The following CLIP1 variants were observed in gnomAD, a reference collection of about 807,000 sequenced individuals.
CLIP1 encodes the protein CAP-Gly domain containing linker protein 1, also known as CAP-Gly domain-containing linker protein 1.
Under a neutral mutation model 161.6 loss-of-function variants are expected in CLIP1, and 66 were observed. The observed-to-expected ratio is 0.41, with a 90% CI of 0.33 to 0.50. The LOEUF is 0.50. Ranked by LOEUF, CLIP1 falls within the 20% of genes least tolerant of loss-of-function variation. The pLI, the probability that CLIP1 is intolerant of heterozygous loss-of-function variation, is 0.27. For missense variants in CLIP1, 1,376 were observed against 1,702.0 expected (o/e 0.81, Z 3.37); for synonymous variants, 598 against 626.2 (o/e 0.96, Z 0.67).
intron 1 of CLIP1, among the ~76,000 whole-genome samples, chr12:122,408,388 G>A (rs547107523): frequency 8.6e-5 from 13 of 151,278 alleles, no homozygotes; most frequent in Admixed American, 4.0e-4. Flanking sequence ...TCACTCTGTC[G>A]CCCAGGCTGG....
intron 21 of CLIP1, among the ~76,000 whole-genome samples, chr12:122,287,809 T>G (rs1955917886): frequency 6.6e-6 from 1 of 152,192 alleles, no homozygotes; most frequent in Non-Finnish European, 1.5e-5. Context: ...ACATTACCCA[T>G]TATTAGTGAA....
chr12:122,292,952 G>A (rs1296309453), intron 20 of CLIP1, among the ~76,000 whole-genome samples: 2 of 139,932 alleles, frequency 1.4e-5, no homozygotes, highest in African/African-American at 2.9e-5. Context: ...GCAGTGGGCC[G>A]AGATAGCACC....
intron 1 of CLIP1, among the ~76,000 whole-genome samples, chr12:122,420,964 T>C (rs11058064): frequency 0.13 from 19,518 of 150,622 alleles, 1,621 homozygotes; most frequent in East Asian, 0.45. Flanking sequence ...GATGGATGGA[T>C]AGACAGACAG....
At chr12:122,363,422 G>A (rs1222742169) in intron 4 of CLIP1, among the ~76,000 whole-genome samples, 1 of 151,918 alleles carries the variant, frequency 6.6e-6, no homozygotes, top group African/African-American at 2.4e-5. Context: ...AATCCAGAAG[G>A]GGGAGGTTGC....
chr12:122,327,742 C>T (rs928463164), intron 17 of CLIP1, among the ~76,000 whole-genome samples: 1 of 151,970 alleles, frequency 6.6e-6, no homozygotes, highest in African/African-American at 2.4e-5. Context: ...GCAGGAAACA[C>T]CGTCCGAGAA....
intron 15 of CLIP1, among the ~76,000 whole-genome samples, chr12:122,331,768 C>T (rs528232695): frequency 6.7e-6 from 1 of 149,476 alleles, no homozygotes; most frequent in East Asian, 2.0e-4. Flanking sequence ...GCCAAGGCGG[C>T]CAGATCGCCT....
At chr12:122,421,293 G>A (rs991954355) in intron 1 of CLIP1, among the ~76,000 whole-genome samples, 1 of 151,866 alleles carries the variant, frequency 6.6e-6, no homozygotes, top group African/African-American at 2.4e-5. Context: ...AGTCTGAGAA[G>A]CGACATGCCT....
intron 3 of CLIP1, among the ~76,000 whole-genome samples, chr12:122,372,161 C>G (rs986991924): frequency 3.1e-4 from 47 of 152,004 alleles, no homozygotes; most frequent in African/African-American, 1.1e-3. Flanking sequence ...TGGCTCACAC[C>G]TGTAATCCCA....
intron 3 of CLIP1, chr12:122,365,314 C>T: frequency 1.2e-6 from 1 of 864,184 alleles, no homozygotes; most frequent in Non-Finnish European, 2.0e-6. Context: ...AAAGGAATGC[C>T]CCACAAGTGT....
intron 1 of CLIP1, among the ~76,000 whole-genome samples, chr12:122,417,778 C>T (rs1250958939): frequency 6.6e-6 from 1 of 152,112 alleles, no homozygotes; most frequent in Non-Finnish European, 1.5e-5. Context: ...TCCCAAGGTG[C>T]TGGGATTACA....
At chr12:122,407,543 T>TACAAAA (rs1029843941) in intron 1 of CLIP1, among the ~76,000 whole-genome samples, 11 of 151,446 alleles carry the variant, frequency 7.3e-5, no homozygotes, top group Non-Finnish European at 1.3e-4. Context: ...ACTCCATCTC[T>TACAAAA]ACAAAAAATT....
Position 122,328,332 on chromosome 12 carries a change from G to C in CLIP1, c.2962C>G (p.Gln988Glu). Residue 988 changes from glutamine (Q) to glutamate (E), a missense_variant, in exon 16 of 26, where the codon CAG becomes GAG. Gln to Glu is a conservative substitution (Grantham distance 29, BLOSUM62 2). Around this residue, in one of 6 missense-constraint regions of CLIP1, gnomAD observed 948 missense variants for 1,134.8 expected, o/e 0.84. Transcript: ENST00000620786. ...TTTTTAGCTGCTTCTTGCTGGCTCT[G>C]TTCAGCTTTGACAGTCATGTCCTCA... ...SIEDMTVKAEQSQQEAAKKHE... is the reference protein window; with the variant it reads ...SIEDMTVKAEESQQEAAKKHE... 1 of 1,614,010 alleles carries C rather than the reference G, an allele frequency of 6.2e-7. No homozygotes were observed. Among genetic ancestry groups the C allele is most frequent in the Non-Finnish European group, 8.5e-7 (1 of 1,180,024 alleles).
chr12:122,376,072 G>C (rs1164897404), intron 3 of CLIP1, among the ~76,000 whole-genome samples: 1 of 152,006 alleles, frequency 6.6e-6, no homozygotes, highest in African/African-American at 2.4e-5. Context: ...CAAGTAGCTT[G>C]GATTACAGGT....
chr12:122,382,229 T>C lies in CLIP1; in HGVS notation c.-106-1671A>G, dbSNP rs998482440. 1.2e-4 allele frequency among the ~76,000 whole-genome samples: 18 copies of C among 151,902 alleles called. 1 individual carries two copies. The highest frequency in any genetic ancestry group is 5.9e-5 in the Non-Finnish European group (4 of 67,982). ...ATATAAAATTAGCCGGGCATGGTGG[T>C]GCATGCCTATAATCCCAGCTACTCG... is the stretch of plus-strand genomic sequence containing the variant. On this transcript the variant is annotated intron_variant, in intron 1 of 25. Coordinates refer to ENST00000620786, the MANE Select transcript of CLIP1 (RefSeq NM_001247997.2).
At chr12:122,360,695 A>G (rs1229073165) in intron 5 of CLIP1, 1 of 390,830 alleles carries the variant, frequency 2.6e-6, no homozygotes, top group Non-Finnish European at 4.6e-6. Context: ...GGCAGTAGTT[A>G]TACAGATTCA....
rs1179187571 is a variant in CLIP1, at chr12:122,390,279, CATATATAT to C, written c.-106-9729_-106-9722del. Among the ~76,000 whole-genome samples, 99 of 79,016 alleles carry C rather than the reference CATATATAT, an allele frequency of 1.3e-3. 1 individual carries two copies. The East Asian group carries it at 0.021, about 17-fold the overall frequency. The allele number at this position is 79,016 out of a possible 152,430, so 51.8% of individuals were successfully genotyped here. A position where few individuals can be genotyped will look rare whatever the true frequency, so the allele number is the denominator to read the frequency against. On this transcript the variant is annotated intron_variant, in intron 1 of 25. Transcript: ENST00000620786. ...ATATATACACACACATATATATATACATATATATATATATATATATATATGTATATATA... is the reference window on the plus strand; with the variant it reads ...ATATATACACACACATATATATATACATATATATATATATATGTATATATA...
chr12:122,277,858 C>A, intron 24 of CLIP1: 2 of 287,746 alleles, frequency 7.0e-6, no homozygotes, highest in East Asian at 6.5e-5. Context: ...GGAGGGAAGA[C>A]TGTATTAGTG....
intron 3 of CLIP1, among the ~76,000 whole-genome samples, chr12:122,372,564 C>A (rs2136715386): frequency 6.8e-6 from 1 of 147,664 alleles, no homozygotes; most frequent in East Asian, 2.0e-4. Flanking sequence ...TCCAGCTGGG[C>A]AAAAGAGCGA....
chr12:122,351,436 T>C (rs1953031661), intron 8 of CLIP1, among the ~76,000 whole-genome samples: 1 of 152,220 alleles, frequency 6.6e-6, no homozygotes, highest in Admixed American at 6.5e-5. Context: ...TGTGGCTGTA[T>C]ATGAAATGAG....
Sources: gnomAD v4.1 joint callset for allele counts (sites outside exome capture counted in the v4.1 genomes callset) on GRCh38, gnomAD v4.1.1 for gene constraint, gnomAD v4.1.1 regional missense constraint, MANE v1.5 for transcripts, NCBI Gene and HGNC (gene_info 2026-07-23, HGNC 2026-07-21) for gene names.